Variants in HELQ observed in about 807,000 individuals in gnomAD.
HELQ encodes the protein helicase, POLQ like.
Under a neutral mutation model 111.6 loss-of-function variants are expected in HELQ, and 77 were observed. The ratio of observed to expected loss-of-function variants is 0.69; its 90% CI spans 0.57 to 0.83. The LOEUF (loss-of-function observed/expected upper bound fraction) is 0.83, where lower values mean the gene tolerates loss of function less well. HELQ is among the 40% of genes least tolerant of loss of function. The probability of loss-of-function intolerance (pLI) is 0.00; values close to 1 mark genes in which losing one functional copy is unlikely to be tolerated. For missense variants in HELQ, 1,200 were observed against 1,288.5 expected (o/e 0.93, Z 1.05); for synonymous variants, 438 against 454.7 (o/e 0.96, Z 0.47).
intron 15 of HELQ, among the ~76,000 whole-genome samples, chr4:83,419,748 T>C (rs1739566319): frequency 1.3e-5 from 2 of 152,082 alleles, no homozygotes; most frequent in Admixed American, 6.6e-5. Flanking sequence ...TAGCTTCTTC[T>C]TATTACCCAT....
At chr4:83,449,094 T>TG (rs2110011740) in intron 2 of HELQ, 133 bp from the exon 3 acceptor site, 2 of 705,636 alleles carry the variant, frequency 2.8e-6, no homozygotes, top group East Asian at 5.5e-5. Context: ...TTATAACCAA[T>TG]GTTACATGTC....
intron 9 of HELQ, among the ~76,000 whole-genome samples, chr4:83,434,243 C>T (rs970313500): frequency 5.1e-5 from 7 of 137,942 alleles, no homozygotes; most frequent in South Asian, 2.4e-4. Flanking sequence ...TGGTGGTGGG[C>T]GCCTGTAATC....
At chr4:83,443,488 T>C in intron 6 of HELQ, 29 bp downstream of exon 6, 2 of 1,019,748 alleles carry the variant, frequency 2.0e-6, no homozygotes, top group Non-Finnish European at 3.0e-6. Context: ...ACGAAACAAA[T>C]CAATACAGTG....
chr4:83,455,783 C>T lies in HELQ; in HGVS notation c.-90G>A, dbSNP rs1299204358. On this transcript the variant is annotated 5_prime_UTR_variant, in exon 1 of 18. Transcript: ENST00000295488. ...AGGGAGAGTGGGACGCCGGAGCCCGCTTCTACATCCACCTTGGGAAAAGAC... is the reference window on the plus strand; with the variant it reads ...AGGGAGAGTGGGACGCCGGAGCCCGTTTCTACATCCACCTTGGGAAAAGAC... The T allele has an allele frequency of 7.1e-6, 9 of 1,272,636 alleles. No individual in the cohort carries two copies. The highest frequency in any genetic ancestry group is 1.5e-5 in the African/African-American group (1 of 67,688). The allele number at this position is 1,272,636 out of a possible 1,614,324, so 78.8% of individuals were successfully genotyped here.
At chr4:83,441,861 C>T (rs950837492) in intron 6 of HELQ, among the ~76,000 whole-genome samples, 2 of 150,918 alleles carry the variant, frequency 1.3e-5, no homozygotes, top group African/African-American at 4.9e-5. Context: ...GCAGCCTCAA[C>T]CTCCAGGGCT....
Position 83,441,413 on chromosome 4 carries a change from A to C in HELQ, c.1564-10T>G, listed in dbSNP as rs1405671277. On this transcript the variant is annotated splice_polypyrimidine_tract_variant and intron_variant, in intron 6 of 17. Transcript: ENST00000295488. Reference sequence around the variant, plus strand: ...ATTCTTTTAACTCAACCTTGAATTAAAAGGACATTTGCAATTAATACGACA... The same window carrying C: ...ATTCTTTTAACTCAACCTTGAATTACAAGGACATTTGCAATTAATACGACA... 7.7e-7 allele frequency: 1 copy of C among 1,294,390 alleles called. No homozygotes were observed. Among genetic ancestry groups the C allele is most frequent in the Admixed American group, 1.9e-5 (1 of 53,956 alleles). 80.2% of individuals were successfully genotyped at this position (1,294,390 alleles called of 1,614,324 possible). A position where few individuals can be genotyped will look rare whatever the true frequency, so the allele number is the denominator to read the frequency against.
At position 83,455,724 on chromosome 4, in the gene HELQ, G is replaced by C. The variant is rs1721754683; in HGVS notation, c.-31C>G. 1.3e-6 allele frequency: 2 copies of C among 1,574,482 alleles called. No homozygotes were observed. ...GGACCCAGGGCCCTATTCAGACGTC[G>C]TTCTCAGTGACCCAGACGCTAAGCC... On this transcript the variant is annotated 5_prime_UTR_variant, in exon 1 of 18. Coordinates refer to ENST00000295488, the MANE Select transcript of HELQ (RefSeq NM_133636.5).
intron 11 of HELQ, among the ~76,000 whole-genome samples, chr4:83,431,210 G>C (rs1720128027): frequency 6.6e-6 from 1 of 151,862 alleles, no homozygotes; most frequent in Non-Finnish European, 1.5e-5. Context: ...GAGGACAAGA[G>C]TTCAAGACCA....
chr4:83,432,051 G>A (rs1720182342), intron 10 of HELQ, 75 bp downstream of exon 10: 1 of 914,000 alleles, frequency 1.1e-6, no homozygotes, highest in Non-Finnish European at 1.6e-6. Flanking sequence ...ATTTTTAAAA[G>A]ATGATTTCAT....
In HELQ at chr4:83,440,045, T is replaced by C. The variant is rs371623168; in HGVS notation, c.1663-37A>G. ...CAAGATGTAGGAACAAAGTGGTTAG[T>C]AAACATGAAACCCTGTCAATTTTTT... On this transcript the variant is annotated intron_variant, in intron 7 of 17. Transcript: ENST00000295488. 2.6e-6 allele frequency: 4 copies of C among 1,559,158 alleles called. No homozygotes were observed. The African/African-American group carries it at 5.5e-5, about 22-fold the overall frequency.
At chr4:83,432,067 G>A in intron 10 of HELQ, 59 bp downstream of exon 10, 3 of 1,124,598 alleles carry the variant, frequency 2.7e-6, no homozygotes, top group Non-Finnish European at 1.3e-6. Flanking sequence ...TTCATAAAAG[G>A]GCTAGACCAA....
chr4:83,439,490 G>A (rs1464469875), intron 8 of HELQ, among the ~76,000 whole-genome samples: 1 of 151,838 alleles, frequency 6.6e-6, no homozygotes, highest in Non-Finnish European at 1.5e-5. Flanking sequence ...CTCCCCAGTA[G>A]CTGGGATTAT....
intron 2 of HELQ, among the ~76,000 whole-genome samples, chr4:83,451,824 C>T (rs1196665679): frequency 1.3e-5 from 2 of 152,216 alleles, no homozygotes; most frequent in Admixed American, 1.3e-4. Flanking sequence ...TCCAGGGCAA[C>T]ACACACCATT....
chr4:83,438,400 G>C (rs1480771685), intron 8 of HELQ, among the ~76,000 whole-genome samples: 2 of 152,116 alleles, frequency 1.3e-5, no homozygotes. Context: ...TCTTACTCAG[G>C]AAATTATATC....
chr4:83,426,084 T>G lies in HELQ; in HGVS notation c.2685A>C (p.Gln895His). The G allele has an allele frequency of 6.3e-7, 1 of 1,582,736 alleles. No individual in the cohort carries two copies. The highest frequency in any genetic ancestry group is 8.7e-7 in the Non-Finnish European group (1 of 1,155,130). ...CTACATTTTGTTCTGCTGGACTGAG[T>G]TGGCTAAACTACATGGAAAAAGAGC... is the stretch of plus-strand genomic sequence containing the variant. ...DWMIYFRQFS[Q>H]LSPAEQNVAA... The change falls in exon 14 of 18, where the codon CAA becomes CAC. Residue 895 changes from glutamine to histidine, a missense_variant. Gln to His is a conservative substitution (Grantham distance 24, BLOSUM62 0). Around this residue, in one of 3 missense-constraint regions of HELQ, gnomAD observed 585 missense variants for 665.3 expected, o/e 0.88. Transcript: ENST00000295488.
chr4:83,433,496 T>C (rs1349022020), intron 9 of HELQ, among the ~76,000 whole-genome samples: 2 of 151,418 alleles, frequency 1.3e-5, no homozygotes, highest in Non-Finnish European at 2.9e-5. Flanking sequence ...TGAAACCCCG[T>C]CTCTACTAAA....
At chr4:83,448,982 A>G (rs779150328) in intron 2 of HELQ, 21 bp from the exon 3 acceptor site, 2 of 1,181,218 alleles carry the variant, frequency 1.7e-6, no homozygotes, top group East Asian at 2.5e-5. Flanking sequence ...AAAAAAAAAA[A>G]GGCATTATTT....
At chr4:83,436,271 T>G (rs920747647) in intron 9 of HELQ, among the ~76,000 whole-genome samples, 1 of 152,272 alleles carries the variant, frequency 6.6e-6, no homozygotes, top group East Asian at 1.9e-4. Context: ...GTGATCTCGC[T>G]GAGATGTACA....
chr4:83,450,512 T>C (rs1721303354), intron 2 of HELQ, among the ~76,000 whole-genome samples: 1 of 152,024 alleles, frequency 6.6e-6, no homozygotes, highest in Non-Finnish European at 1.5e-5. Context: ...ATTCAATAAA[T>C]ATTGAAAAAT....
Sources: gnomAD v4.1 joint callset for allele counts (sites outside exome capture counted in the v4.1 genomes callset) on GRCh38, gnomAD v4.1.1 for gene constraint, gnomAD v4.1.1 regional missense constraint, MANE v1.5 for transcripts, NCBI Gene and HGNC (gene_info 2026-07-23, HGNC 2026-07-21) for gene names.